The following TDRP variants were observed in gnomAD, a reference collection of about 807,000 sequenced individuals.
TDRP encodes the protein testis development related protein, also known as testis development-related protein.
In TDRP, 12 loss-of-function variants were observed where a neutral mutation model predicts 10.5. That is an observed-to-expected ratio of 1.15 (90% CI 0.73 to 1.86). The LOEUF (loss-of-function observed/expected upper bound fraction) is 1.86, where lower values mean the gene tolerates loss of function less well. Among genes scored for constraint, TDRP ranks in the 40% most tolerant of loss-of-function variants. The pLI is 0.00. For missense variants in TDRP, 353 were observed against 229.2 expected (o/e 1.54, Z -3.49); for synonymous variants, 139 against 95.4 (o/e 1.46, Z -2.67).
In TDRP at chr8:490,792, G is replaced by A. The variant is rs1304809029; in HGVS notation, c.*1607C>T. The A allele has an allele frequency of 6.6e-6, 1 of 152,084 alleles. No homozygotes were observed. The highest frequency in any genetic ancestry group is 6.5e-5 in the Admixed American group (1 of 15,274). The allele number at this position is 152,084 out of a possible 1,614,324, so 9.4% of individuals were successfully genotyped here. A position where few individuals can be genotyped will look rare whatever the true frequency, so the allele number is the denominator to read the frequency against. On this transcript the variant is annotated 3_prime_UTR_variant, in exon 3 of 3. Transcript: ENST00000324079. ...AACCTCCACAACTTCACCATTTCAA[G>A]GTTCTAATACAAGCTGGAATTTTTG...
At chr8:541,835 G>A (rs942760437) in intron 1 of TDRP, among the ~76,000 whole-genome samples, 2 of 152,192 alleles carry the variant, frequency 1.3e-5, no homozygotes, top group Non-Finnish European at 2.9e-5. Flanking sequence ...CACTTTGGAA[G>A]ACGGTTTGGC....
At chr8:496,773 G>A (rs531705344) in intron 1 of TDRP, among the ~76,000 whole-genome samples, 1 of 152,308 alleles carries the variant, frequency 6.6e-6, no homozygotes, top group South Asian at 2.1e-4. Context: ...ATGTGTCAGG[G>A]GAGGGACCTG....
chr8:530,052 CTTTTCA>C (rs1294878896), intron 1 of TDRP, among the ~76,000 whole-genome samples: 1 of 146,140 alleles, frequency 6.8e-6, no homozygotes, highest in African/African-American at 2.8e-5. Context: ...TTAGGCTTTA[CTTTTCA>C]TTTTTTTTTT....
chr8:527,941 G>A (rs994017332), intron 1 of TDRP, among the ~76,000 whole-genome samples: 3 of 152,084 alleles, frequency 2.0e-5, no homozygotes, highest in African/African-American at 7.2e-5. Context: ...CCTCTACAGA[G>A]CAAAGGGACC....
At chr8:526,408 C>T (rs942608271) in intron 1 of TDRP, among the ~76,000 whole-genome samples, 12 of 152,042 alleles carry the variant, frequency 7.9e-5, no homozygotes, top group African/African-American at 7.2e-5. Context: ...GTTTTTTGAG[C>T]GTTCTTATTA....
chr8:496,836 G>A (rs1801150316), intron 1 of TDRP, among the ~76,000 whole-genome samples: 2 of 152,196 alleles, frequency 1.3e-5, no homozygotes, highest in African/African-American at 4.8e-5. Flanking sequence ...GTTCTCATGA[G>A]ATCTGATCAT....
In TDRP at chr8:533,872, T is replaced by C. The variant is rs929634351; in HGVS notation, c.108+10778A>G. On this transcript the variant is annotated intron_variant, in intron 1 of 2. Coordinates refer to ENST00000324079, the MANE Select transcript of TDRP (RefSeq NM_001384899.1). ...TCACTTGCTAATTTACCGAGAACTG[T>C]TTATCTCCCATAGTAAGACTCTTTA... 1.1e-4 allele frequency among the ~76,000 whole-genome samples: 17 copies of C among 152,180 alleles called. 1 individual carries two copies. Among genetic ancestry groups the C allele is most frequent in the Admixed American group, 9.8e-4 (15 of 15,270 alleles).
chr8:529,150 G>A (rs1013837215), intron 1 of TDRP, among the ~76,000 whole-genome samples: 122 of 152,152 alleles, frequency 8.0e-4, no homozygotes, highest in African/African-American at 2.7e-3. Flanking sequence ...CCCAGTCCAA[G>A]GATTCAAATG....
rs1218166014 is a variant in TDRP, at chr8:491,793, G to C, written c.*606C>G. 1 of 1,268,598 alleles carries C rather than the reference G, an allele frequency of 7.9e-7. No homozygotes were observed. 78.6% of individuals were successfully genotyped at this position (1,268,598 alleles called of 1,614,324 possible). ...TTACTATCCAGTGGACATACAAGAA[G>C]CTATTCCTCCCTCAGCAAAAGATGA... is the stretch of plus-strand genomic sequence containing the variant. On this transcript the variant is annotated 3_prime_UTR_variant, in exon 3 of 3. Coordinates refer to ENST00000324079, the MANE Select transcript of TDRP (RefSeq NM_001384899.1).
At chr8:529,736 G>C in intron 1 of TDRP, among the ~76,000 whole-genome samples, 1 of 152,148 alleles carries the variant, frequency 6.6e-6, no homozygotes, top group East Asian at 1.9e-4. Flanking sequence ...CAAATCTGCT[G>C]ATAATCTTAT....
At chr8:517,582 C>T (rs1283512138) in intron 1 of TDRP, among the ~76,000 whole-genome samples, 1 of 152,136 alleles carries the variant, frequency 6.6e-6, no homozygotes, top group Non-Finnish European at 1.5e-5. Flanking sequence ...TTAAATCCAC[C>T]TACAACCTGG....
chr8:514,720 GGACACTGGGAA>G (rs1563123778), intron 1 of TDRP, among the ~76,000 whole-genome samples: 1 of 152,030 alleles, frequency 6.6e-6, no homozygotes, highest in Non-Finnish European at 1.5e-5. Flanking sequence ...CCTTTCCCTG[GGACACTGGGAA>G]ATGTCTATTT....
chr8:496,052 C>G (rs1801123701), intron 1 of TDRP, among the ~76,000 whole-genome samples: 1 of 152,194 alleles, frequency 6.6e-6, no homozygotes. Flanking sequence ...AGTACCCACG[C>G]CAAAGAAACC....
intron 1 of TDRP, among the ~76,000 whole-genome samples, chr8:527,152 A>G (rs1384829936): frequency 6.6e-6 from 1 of 152,176 alleles, no homozygotes; most frequent in African/African-American, 2.4e-5. Flanking sequence ...AGACAATCTG[A>G]AAAAATAAAA....
intron 1 of TDRP, among the ~76,000 whole-genome samples, chr8:509,584 C>T (rs1390516772): frequency 2.6e-5 from 4 of 152,134 alleles, no homozygotes; most frequent in African/African-American, 9.7e-5. Context: ...AACCAGGCTA[C>T]ACATAGCAAG....
At chr8:532,717 T>C (rs62484458) in intron 1 of TDRP, among the ~76,000 whole-genome samples, 12,103 of 152,256 alleles carry the variant, frequency 0.079, 524 homozygotes, top group Middle Eastern at 0.12. Context: ...AAATTCTGTA[T>C]CACAAACTCT....
At chr8:539,063 T>C (rs986716779) in intron 1 of TDRP, among the ~76,000 whole-genome samples, 1 of 152,204 alleles carries the variant, frequency 6.6e-6, no homozygotes, top group Non-Finnish European at 1.5e-5. Flanking sequence ...AAGGCATCAA[T>C]AGGGGACTCG....
chr8:494,141 TTAG>T (rs1454024496), intron 2 of TDRP, among the ~76,000 whole-genome samples: 1 of 151,792 alleles, frequency 6.6e-6, no homozygotes, highest in Non-Finnish European at 1.5e-5. Flanking sequence ...TTTTTTTTTT[TTAG>T]TATAGACGGG....
chr8:544,867 G>T, upstream of TDRP: 2 of 769,924 alleles, frequency 2.6e-6, no homozygotes, highest in Non-Finnish European at 3.5e-6. Context: ...GGGCCCAGTG[G>T]GCCGGGCGGG....
Sources: allele counts gnomAD v4.1 joint callset (sites outside exome capture counted in the v4.1 genomes callset), GRCh38; gene constraint gnomAD v4.1.1; transcripts MANE v1.5; gene names NCBI Gene and HGNC (gene_info 2026-07-23, HGNC 2026-07-21).